Variants in MYL5 observed in about 807,000 individuals in gnomAD.
MYL5 encodes the protein myosin light chain 5, also known as myosin regulatory light chain 5.
MYL5 carries 28 observed loss-of-function variants against 20.8 expected under a neutral mutation model. That is an observed-to-expected ratio of 1.35 (90% CI 1.00 to 1.84). The LOEUF (loss-of-function observed/expected upper bound fraction) is 1.84, where lower values mean the gene tolerates loss of function less well. Among genes scored for constraint, MYL5 ranks in the 40% most tolerant of loss-of-function variants. The pLI, the probability that MYL5 is intolerant of heterozygous loss-of-function variation, is 0.00. For synonymous variants in MYL5, 118 were observed against 87.4 expected (o/e 1.35, Z -1.95); for missense variants, 274 against 227.3 (o/e 1.21, Z -1.32).
intron 6 of MYL5, among the ~76,000 whole-genome samples, chr4:681,533 T>C (rs1465765608): frequency 8.5e-6 from 1 of 118,072 alleles, no homozygotes; most frequent in East Asian, 2.5e-4. Flanking sequence ...CCCCACACGG[T>C]CCTCCCCGAC....
Position 680,626 on chromosome 4 carries a change from G to A in MYL5, c.371+39G>A, listed in dbSNP as rs753894801. 4.4e-6 allele frequency: 7 copies of A among 1,593,890 alleles called. No individual in the cohort carries two copies. The Admixed American group carries it at 5.1e-5, about 12-fold the overall frequency. Reference sequence around the variant, plus strand: ...CGGCCAGGGCGGCCCGGCTTCCGGGGAACCCCAGTGATCTCATCCTGTCCC... The same window carrying A: ...CGGCCAGGGCGGCCCGGCTTCCGGGAAACCCCAGTGATCTCATCCTGTCCC... On this transcript the variant is annotated intron_variant, in intron 5 of 6. Transcript: ENST00000400159.
intron 3 of MYL5, 113 bp from the exon 6 acceptor site, chr4:679,801 C>G (rs1279604197): frequency 1.2e-6 from 1 of 866,590 alleles, no homozygotes; most frequent in Non-Finnish European, 1.8e-6. Flanking sequence ...GTCTCCTTCC[C>G]GCTCCCTCCC....
chr4:678,180 G>C (rs953989827), intron 1 of MYL5, 151 bp downstream of exon 3: 2 of 1,537,464 alleles, frequency 1.3e-6, no homozygotes, highest in Admixed American at 2.0e-5. Flanking sequence ...GTGTGTGCAT[G>C]AGCGTGTGTA....
At chr4:678,636 A>G in intron 1 of MYL5, 22 bp from the exon 4 acceptor site, 1 of 1,591,084 alleles carries the variant, frequency 6.3e-7, no homozygotes, top group Non-Finnish European at 8.6e-7. Flanking sequence ...CAGGACCCTC[A>G]GCCATGGTGC....
chr4:677,968 C>T (rs1739014085), exon 1 of MYL5: 1 of 1,613,000 alleles, frequency 6.2e-7, no homozygotes, highest in Admixed American at 1.7e-5. Flanking sequence ...CAAGCAGGAG[C>T]TTAAGATGGG....
chr4:677,587 C>T (rs2109324801), upstream of MYL5, among the ~76,000 whole-genome samples: 1 of 152,314 alleles, frequency 6.6e-6, no homozygotes, highest in South Asian at 2.1e-4. Flanking sequence ...GTGTGCTTGG[C>T]AGAAGCCCGG....
At chr4:678,057 G>T in intron 1 of MYL5, 28 bp downstream of exon 3, 1 of 1,612,648 alleles carries the variant, frequency 6.2e-7, no homozygotes, top group African/African-American at 1.3e-5. Context: ...CATGCCTGGG[G>T]CAGGCGTGTG....
chr4:679,830 G>A (rs1406909803), intron 3 of MYL5, 84 bp from the exon 6 acceptor site: 2 of 1,149,722 alleles, frequency 1.7e-6, no homozygotes, highest in Admixed American at 1.9e-5. Context: ...CCATCTGCCT[G>A]CCTGGCCCTG....
At chr4:680,374 G>A (rs1293229957) in intron 4 of MYL5, 135 bp from the exon 7 acceptor site, 6 of 949,790 alleles carry the variant, frequency 6.3e-6, no homozygotes, top group South Asian at 5.6e-5. Flanking sequence ...AGGCCTTCAG[G>A]CAGAGGCCAC....
chr4:678,143 G>T (rs1232556131), intron 1 of MYL5, 114 bp downstream of exon 3: 4 of 1,552,654 alleles, frequency 2.6e-6, no homozygotes, highest in Non-Finnish European at 3.5e-6. Flanking sequence ...GTGAATGCAG[G>T]TGTGGGCGTG....
chr4:678,448 C>T (rs898798948), intron 1 of MYL5: 2 of 1,428,928 alleles, frequency 1.4e-6, no homozygotes, highest in Non-Finnish European at 1.8e-6. Flanking sequence ...TCCCCCAGTC[C>T]CTGTGCTGAA....
chr4:680,583 G>A (rs778732180), exon 5 of MYL5: 1 of 1,612,722 alleles, frequency 6.2e-7, no homozygotes, highest in Non-Finnish European at 8.5e-7. Context: ...AATCAACAAG[G>A]AGTAGTGAGT....
At chr4:679,321 C>T (rs1007146298) in intron 3 of MYL5, 31 of 565,606 alleles carry the variant, frequency 5.5e-5, no homozygotes, top group East Asian at 2.2e-4. Flanking sequence ...TCTGGTAGGA[C>T]GCCACAGGCA....
chr4:678,935 G>A (rs1199904232), intron 2 of MYL5, 23 bp from the exon 5 acceptor site: 4 of 1,613,256 alleles, frequency 2.5e-6, no homozygotes, highest in Admixed American at 1.7e-5. Flanking sequence ...TGGCAGCACA[G>A]CAGCCCTGAC....
chr4:675,254 G>A (rs948198362), upstream of MYL5: 1 of 152,392 alleles, frequency 6.6e-6, no homozygotes, highest in African/African-American at 2.4e-5. Context: ...ATGGACACCA[G>A]GCTTGGAGTC....
chr4:681,720 GCCC>G, intron 6 of MYL5, 170 bp from the exon 9 acceptor site: 1 of 179,558 alleles, frequency 5.6e-6, no homozygotes, highest in Non-Finnish European at 8.5e-6. Flanking sequence ...CTCCAGCGCC[GCCC>G]CGCCCCCTCC....
chr4:675,654 G>A (rs992396643), upstream of MYL5: 28 of 152,592 alleles, frequency 1.8e-4, no homozygotes, highest in African/African-American at 6.0e-4. Flanking sequence ...ACCAAGGCCA[G>A]TCCTATAGGG....
intron 4 of MYL5, 151 bp downstream of exon 6, chr4:680,169 C>T (rs1214551094): frequency 1.3e-6 from 1 of 773,168 alleles, no homozygotes; most frequent in East Asian, 2.8e-5. Context: ...GCCCCGTCAG[C>T]CACCCCAGAG....
In MYL5 at chr4:680,824, C is replaced by T. The variant is rs2109355042; in HGVS notation, c.371+237C>T. The T allele has an allele frequency of 6.4e-6, 4 of 629,390 alleles. No homozygotes were observed. In the South Asian group the frequency reaches 7.8e-5, roughly 12 times the overall value. 39.0% of individuals were successfully genotyped at this position (629,390 alleles called of 1,614,324 possible). A position where few individuals can be genotyped will look rare whatever the true frequency, so the allele number is the denominator to read the frequency against. Reference sequence around the variant, plus strand: ...GGCGGCTTCCCCTCAGCCCACTCCTCCATCTTCAGCTCCTGCTAGGCGCCG... The same window carrying T: ...GGCGGCTTCCCCTCAGCCCACTCCTTCATCTTCAGCTCCTGCTAGGCGCCG... On this transcript the variant is annotated intron_variant, in intron 5 of 6. Transcript: ENST00000400159.
Sources: gnomAD v4.1 joint callset for allele counts (sites outside exome capture counted in the v4.1 genomes callset) on GRCh38, gnomAD v4.1.1 for gene constraint, MANE v1.5 for transcripts, NCBI Gene and HGNC (gene_info 2026-07-23, HGNC 2026-07-21) for gene names.